The following U2AF1L4 variants were observed in gnomAD, a reference collection of about 807,000 sequenced individuals.
The protein encoded by U2AF1L4 is U2 small nuclear RNA auxiliary factor 1 like 4, also known as splicing factor U2AF 26 kDa subunit.
U2AF1L4 carries 21 observed loss-of-function variants against 21.7 expected under a neutral mutation model. The ratio of observed to expected loss-of-function variants is 0.97; its 90% CI spans 0.69 to 1.39. The LOEUF is 1.39. Ranked by LOEUF, U2AF1L4 falls within the 40% of genes most tolerant of loss-of-function variation. The pLI, the probability that U2AF1L4 is intolerant of heterozygous loss-of-function variation, is 0.00. For missense variants in U2AF1L4, 259 were observed against 245.7 expected (o/e 1.05, Z -0.36); for synonymous variants, 92 against 89.7 (o/e 1.03, Z -0.15).
chr19:35,745,304 C>T, intron 1 of U2AF1L4, 44 bp downstream of exon 1: 2 of 1,598,266 alleles, frequency 1.3e-6, no homozygotes, highest in Non-Finnish European at 1.7e-6. Context: ...CCCAGTACCC[C>T]GGCCCCGACC....
chr19:35,744,209 G>A lies in U2AF1L4; in HGVS notation c.232-64C>T, dbSNP rs1203516971. 7 of 1,605,208 alleles carry A rather than the reference G, an allele frequency of 4.4e-6. No homozygotes were observed. In the East Asian group the frequency reaches 8.9e-5, roughly 20 times the overall value. ...GAGATCTTCAGGGGACTCACTACCCGCTCTGGGGCTGGACTGGATTTAGTG... is the reference window on the plus strand; with the variant it reads ...GAGATCTTCAGGGGACTCACTACCCACTCTGGGGCTGGACTGGATTTAGTG... On this transcript the variant is annotated intron_variant, in intron 3 of 5. Coordinates refer to ENST00000378975, the MANE Select transcript of U2AF1L4 (RefSeq NM_001040425.3).
In U2AF1L4 at chr19:35,742,796, G is replaced by T; in HGVS notation, c.469C>A (p.Pro157Thr). ...YGRGPRRRSP[P>T]RFHTGHHPRE... ...GGATGGTGGCCAGTATGGAACCTCG[G>T]GGGTGACCTGGGAATAGGAGCGTTG... The change falls in exon 6 of 6, where the codon CCG becomes ACG. Residue 157 changes from proline (P) to threonine (T), a missense_variant. By Grantham distance (38) the Pro-to-Thr change is conservative. Transcript: ENST00000378975. 1 of 1,610,516 alleles carries T rather than the reference G, an allele frequency of 6.2e-7. No homozygotes were observed.
At chr19:35,743,177 A>T (rs1970350850) in intron 5 of U2AF1L4, 1 of 308,440 alleles carries the variant, frequency 3.2e-6, no homozygotes, top group Non-Finnish European at 6.1e-6. Flanking sequence ...GTTCGAGACC[A>T]GGCTGGCCAA....
intron 1 of U2AF1L4, 43 bp downstream of exon 1, chr19:35,745,305 G>T (rs750512591): frequency 2.9e-6 from 3 of 1,052,360 alleles, no homozygotes; most frequent in East Asian, 3.2e-5. Flanking sequence ...CCAGTACCCC[G>T]GCCCCGACCC....
Position 35,742,632 on chromosome 19 carries a change from G to A in U2AF1L4, c.*87C>T, listed in dbSNP as rs1970309677. On this transcript the variant is annotated 3_prime_UTR_variant, in exon 6 of 6. Coordinates refer to ENST00000378975, the MANE Select transcript of U2AF1L4 (RefSeq NM_001040425.3). The stretch of plus-strand genomic sequence containing the variant: ...GGAGCCCGGGAGCCTGGGAAGGATG[G>A]GGCAGGAGAGTGAAGGGGGCTTTGA... The A allele has an allele frequency of 1.2e-6, 2 of 1,613,798 alleles. No individual in the cohort carries two copies. The highest frequency in any genetic ancestry group is 1.1e-5 in the South Asian group (1 of 91,084).
At chr19:35,744,527 G>A (rs761086890) in intron 2 of U2AF1L4, 106 bp from the exon 3 acceptor site, 44 of 1,600,746 alleles carry the variant, frequency 2.7e-5, no homozygotes, top group Non-Finnish European at 3.7e-5. Context: ...GCACCTCCAC[G>A]TCACTCACAT....
intron 1 of U2AF1L4, 48 bp downstream of exon 1, chr19:35,745,300 A>G: frequency 1.3e-6 from 2 of 1,560,196 alleles, no homozygotes; most frequent in Non-Finnish European, 1.8e-6. Flanking sequence ...GGACCCCAGT[A>G]CCCCGGCCCC....
intron 5 of U2AF1L4, chr19:35,743,290 T>C: frequency 3.8e-6 from 1 of 261,724 alleles, no homozygotes. Flanking sequence ...GGAGAATTGC[T>C]TGAACCTGGG....
At chr19:35,744,547 T>TG (rs1203495037) in intron 2 of U2AF1L4, 126 bp from the exon 3 acceptor site, 3 of 1,454,242 alleles carry the variant, frequency 2.1e-6, no homozygotes, top group Admixed American at 3.7e-5. Context: ...TGACCTGGGG[T>TG]GGGGGCGGGC....
In U2AF1L4 at chr19:35,742,782, AG is replaced by A; in HGVS notation, c.482del (p.Thr161MetfsTer62). 1 of 1,611,182 alleles carries A rather than the reference AG, an allele frequency of 6.2e-7. No homozygotes were observed. Among genetic ancestry groups the A allele is most frequent in the Non-Finnish European group, 8.5e-7 (1 of 1,179,560 alleles). Reference protein sequence around the residue: ...PRRRSPPRFHTGHHPRERNHR... With the variant: ...PRRRSPPRFHXGHHPRERNHR... ...GGTTCCTCTCTCGGGGATGGTGGCC[AG>A]TATGGAACCTCGGGGGTGACCTGGG... On this transcript the variant is annotated frameshift_variant, in exon 6 of 6. Transcript: ENST00000378975. LOFTEE classifies it high-confidence loss of function.
In U2AF1L4 at chr19:35,745,339, C is replaced by G. The variant is rs1213728795; in HGVS notation, c.44+9G>C. ...CCCCCGAGAGTCCACTCCCAGCGCCCGTTCTCACTTGTCCTTCTCAGTCCC... is the reference window on the plus strand; with the variant it reads ...CCCCCGAGAGTCCACTCCCAGCGCCGGTTCTCACTTGTCCTTCTCAGTCCC... On this transcript the variant is annotated intron_variant, in intron 1 of 5. Transcript: ENST00000378975. The G allele has an allele frequency of 6.2e-7, 1 of 1,612,188 alleles. No homozygotes were observed. Among genetic ancestry groups the G allele is most frequent in the Admixed American group, 1.7e-5 (1 of 60,026 alleles).
intron 3 of U2AF1L4, 66 bp from the exon 4 acceptor site, chr19:35,744,211 T>A: frequency 6.2e-7 from 1 of 1,606,320 alleles, no homozygotes; most frequent in South Asian, 1.1e-5. Context: ...CACTACCCGC[T>A]CTGGGGCTGG....
rs1013165651 is a variant in U2AF1L4 at position 35,743,075 on chromosome 19, TAA to T, written c.462-274_462-273del. The T allele has an allele frequency of 7.5e-6, 4 of 531,108 alleles. No homozygotes were observed. The African/African-American group carries it at 7.8e-5, about 10-fold the overall frequency. The allele number at this position is 531,108 out of a possible 1,614,324, so 32.9% of individuals were successfully genotyped here. A position where few individuals can be genotyped will look rare whatever the true frequency, so the allele number is the denominator to read the frequency against. On this transcript the variant is annotated intron_variant, in intron 5 of 5. Coordinates refer to ENST00000378975, the MANE Select transcript of U2AF1L4 (RefSeq NM_001040425.3). ...GGAGCTCAGAACTACTCTTAGGGTA[TAA>T]GAGTCTTGGGAATGACCGGGCGCAG... is the stretch of plus-strand genomic sequence containing the variant.
Position 35,745,353 on chromosome 19 carries a change from C to T in U2AF1L4, c.39G>A (p.Lys13=). 1.9e-6 allele frequency: 3 copies of T among 1,613,778 alleles called. No homozygotes were observed. Among genetic ancestry groups the T allele is most frequent in the Non-Finnish European group, 2.5e-6 (3 of 1,179,700 alleles). The stretch of plus-strand genomic sequence containing the variant: ...CTCCCAGCGCCCGTTCTCACTTGTC[C>T]TTCTCAGTCCCGAATATCGAAGCTA... The part of the protein sequence containing the change: ...EYLASIFGTE[K]DKVNCSFYFK... Residue 13 remains lysine, a synonymous_variant, in exon 1 of 6, where the codon AAG becomes AAA. Transcript: ENST00000378975.
In U2AF1L4 at chr19:35,743,902, T is replaced by A; in HGVS notation, c.368A>T (p.Glu123Val). 1 of 1,613,658 alleles carries A rather than the reference T, an allele frequency of 6.2e-7. No homozygotes were observed. The highest frequency in any genetic ancestry group is 8.5e-7 in the Non-Finnish European group (1 of 1,179,802). The change falls in exon 5 of 6, where the codon GAA becomes GTA. Residue 123 changes from glutamate (E) to valine (V), a missense_variant and splice_region_variant. Glu to Val is a moderately radical substitution (Grantham distance 121). Coordinates refer to ENST00000378975, the MANE Select transcript of U2AF1L4 (RefSeq NM_001040425.3). Reference protein sequence around the residue: ...ESCCRQYEMGECTRGGFCNFM... With the variant: ...ESCCRQYEMGVCTRGGFCNFM... ...GTTGCAGAAGCCACCTCGGGTACAT[T>A]CCCTGCATAGAGGGTAGAGAGATGG...
chr19:35,742,928 G>T lies in U2AF1L4; in HGVS notation c.462-125C>A, dbSNP rs1328832354. The T allele has an allele frequency of 2.5e-5, 22 of 882,676 alleles. No homozygotes were observed. In the South Asian group the frequency reaches 3.2e-4, roughly 13 times the overall value. 54.7% of individuals were successfully genotyped at this position (882,676 alleles called of 1,614,324 possible). On this transcript the variant is annotated intron_variant, in intron 5 of 5. Coordinates refer to ENST00000378975, the MANE Select transcript of U2AF1L4 (RefSeq NM_001040425.3). ...TGAAATAACTAGAGTTCTAAGACAC[G>T]ACCTCAGTGGCCAGTATCAGGGGAA...
At position 35,745,184 on chromosome 19, in the gene U2AF1L4, C is replaced by G; in HGVS notation, c.73G>C (p.Gly25Arg). ...KVNCSFYFKI[G>R]VCRHGDRCSR... ...CACCGGTCCCCGTGCCGGCAGACCCCGATCTTAAAGTAAAAAGAGCAGTTA... is the reference window on the plus strand; with the variant it reads ...CACCGGTCCCCGTGCCGGCAGACCCGGATCTTAAAGTAAAAAGAGCAGTTA... The change falls in exon 2 of 6, where the codon GGG becomes CGG. Residue 25 changes from glycine to arginine, a missense_variant. Physicochemically the swap from Gly to Arg is moderately radical, Grantham distance 125 (BLOSUM62 -2). Coordinates refer to ENST00000378975, the MANE Select transcript of U2AF1L4 (RefSeq NM_001040425.3). 1 of 1,613,712 alleles carries G rather than the reference C, an allele frequency of 6.2e-7. No individual in the cohort carries two copies. The highest frequency in any genetic ancestry group is 8.5e-7 in the Non-Finnish European group (1 of 1,180,014).
rs1440577331 is a variant in U2AF1L4, at chr19:35,744,095, G to A, written c.282C>T (p.Arg94=). ...CGTGCACAGCCTGCCCGTTGAACCA[G>A]CGGTTACTGAGTTCAGCCACGGCCC... ...GERAVAELSN[R]WFNGQAVHGE... is the part of the protein sequence containing the mutation. The change falls in exon 4 of 6, where the codon CGC becomes CGT. Residue 94 remains arginine, a synonymous_variant. Transcript: ENST00000378975. The A allele has an allele frequency of 3.7e-6, 6 of 1,613,904 alleles. No individual in the cohort carries two copies. The highest frequency in any genetic ancestry group is 5.1e-6 in the Non-Finnish European group (6 of 1,180,036).
chr19:35,744,905 G>A, intron 2 of U2AF1L4: 1 of 716,694 alleles, frequency 1.4e-6, no homozygotes, highest in Non-Finnish European at 2.3e-6. Flanking sequence ...AAGATGAACA[G>A]CCGCCGTGTG....
Sources: gnomAD v4.1 joint callset for allele counts on GRCh38, gnomAD v4.1.1 for gene constraint, MANE v1.5 for transcripts, NCBI Gene and HGNC (gene_info 2026-07-23, HGNC 2026-07-21) for gene names.